The following SEC23A variants were observed in gnomAD, a reference collection of about 807,000 sequenced individuals.
SEC23A encodes the protein protein transport protein Sec23A.
In SEC23A, 56 loss-of-function variants were observed where a neutral mutation model predicts 103.7. The observed-to-expected ratio is 0.54, with a 90% CI of 0.44 to 0.67. The LOEUF is 0.67. Among genes scored for constraint, SEC23A ranks in the 30% least tolerant of loss-of-function variants. The pLI, the probability that SEC23A is intolerant of heterozygous loss-of-function variation, is 0.00. For synonymous variants in SEC23A, 281 were observed against 293.0 expected, an observed-to-expected ratio of 0.96 and a Z score of 0.42; for missense variants, 784 against 936.4, an observed-to-expected ratio of 0.84 and a Z score of 2.12.
At chr14:39,083,755 G>A (rs572773102) in intron 7 of SEC23A, among the ~76,000 whole-genome samples, 1 of 151,754 alleles carries the variant, frequency 6.6e-6, no homozygotes, top group African/African-American at 2.4e-5. Flanking sequence ...AGTAGAGACA[G>A]GGTTTCACCA....
chr14:39,045,390 CA>C, intron 15 of SEC23A, 66 bp from the exon 16 acceptor site: 2 of 1,201,020 alleles, frequency 1.7e-6, no homozygotes, highest in Non-Finnish European at 2.4e-6. Context: ...TTACTATTAG[CA>C]AAAATATTTG....
intron 7 of SEC23A, among the ~76,000 whole-genome samples, chr14:39,084,956 G>A (rs1388993590): frequency 1.3e-5 from 2 of 152,108 alleles, no homozygotes; most frequent in Admixed American, 1.3e-4. Context: ...CAGGCATGAG[G>A]TGCCCAGCCA....
intron 13 of SEC23A, among the ~76,000 whole-genome samples, chr14:39,059,753 T>G (rs184477823): frequency 6.6e-6 from 1 of 152,232 alleles, no homozygotes; most frequent in Admixed American, 6.5e-5. Flanking sequence ...AACAAAAAAT[T>G]TTCTTATATA....
intron 4 of SEC23A, 84 bp downstream of exon 4, chr14:39,092,457 G>C (rs1887695074): frequency 5.9e-6 from 5 of 847,472 alleles, no homozygotes; most frequent in Non-Finnish European, 9.6e-6. Context: ...AATTAAGCAT[G>C]ATTCCTTCTA....
intron 15 of SEC23A, among the ~76,000 whole-genome samples, chr14:39,047,706 A>T (rs1474316541): frequency 6.6e-6 from 1 of 152,106 alleles, no homozygotes; most frequent in Non-Finnish European, 1.5e-5. Flanking sequence ...AATTCTGTAT[A>T]TTTCTCACTT....
At chr14:39,047,191 G>A (rs1258287874) in intron 15 of SEC23A, among the ~76,000 whole-genome samples, 1 of 152,140 alleles carries the variant, frequency 6.6e-6, no homozygotes, top group Non-Finnish European at 1.5e-5. Flanking sequence ...TCCAGGAAAG[G>A]AAGAAAGATG....
chr14:39,077,572 GAT>G (rs1293960863), intron 7 of SEC23A, among the ~76,000 whole-genome samples: 1 of 151,174 alleles, frequency 6.6e-6, no homozygotes, highest in African/African-American at 2.4e-5. Flanking sequence ...GAGAGACAAA[GAT>G]AGAGAGAGAG....
rs1381673861 is a variant in SEC23A, at chr14:39,067,259, AG to A, written c.1140del (p.Leu381TyrfsTer26). 1 of 1,613,732 alleles carries A rather than the reference AG, an allele frequency of 6.2e-7. No individual in the cohort carries two copies. ...YMVMGDSFNT[S>X]LFKQTFQRVF... is the part of the protein sequence containing the mutation. ...ACTCTTTGAAAAGTTTGTTTGAATA[AG>A]GAAGTATTGAAAGAATCACCCATTA... On this transcript the variant is annotated frameshift_variant, in exon 10 of 20. Coordinates refer to ENST00000307712, the MANE Select transcript of SEC23A (RefSeq NM_006364.4). LOFTEE classifies it high-confidence loss of function.
rs972679671 is a variant in SEC23A at position 39,067,499 on chromosome 14, G to A, written c.1104-203C>T. ...AATAATCTCAATTCCGAAGGTAACA[G>A]AGTACCCCTAACAGTTGCATTTGTC... On this transcript the variant is annotated intron_variant, in intron 9 of 19. Coordinates refer to ENST00000307712, the MANE Select transcript of SEC23A (RefSeq NM_006364.4). 8.7e-5 allele frequency among the ~76,000 whole-genome samples: 13 copies of A among 149,950 alleles called. No individual in the cohort carries two copies. In the Admixed American group the frequency reaches 8.8e-4, roughly 10 times the overall value.
intron 1 of SEC23A, among the ~76,000 whole-genome samples, chr14:39,100,416 C>CTTT (rs11427769): frequency 1.3e-4 from 18 of 143,876 alleles, no homozygotes; most frequent in Non-Finnish European, 1.8e-4. Context: ...GCCAACTTAA[C>CTTT]TTTTTTTTTT....
At chr14:39,059,294 A>ACAAAC (rs1377135366) in intron 13 of SEC23A, among the ~76,000 whole-genome samples, 91 of 115,114 alleles carry the variant, frequency 7.9e-4, no homozygotes, top group Non-Finnish European at 1.3e-3. Context: ...AAAAAAAAAA[A>ACAAAC]AAAAAAAAAA....
At position 39,058,492 on chromosome 14, in the gene SEC23A, AGAG is replaced by A. The variant is rs1404846115; in HGVS notation, c.1506-3199_1506-3197del. Among the ~76,000 whole-genome samples the A allele has an allele frequency of 3.9e-5, 6 of 152,122 alleles. No individual in the cohort carries two copies. The South Asian group carries it at 8.3e-4, about 21-fold the overall frequency. On this transcript the variant is annotated intron_variant, in intron 13 of 19. Transcript: ENST00000307712. ...CCGGCTAATTTTTTGTATTTTTAGT[AGAG>A]ACGGGGTTTCACCTTGTTAGCCAGG...
intron 6 of SEC23A, 55 bp downstream of exon 6, chr14:39,086,874 G>T: frequency 2.0e-6 from 2 of 1,015,952 alleles, no homozygotes; most frequent in Non-Finnish European, 3.2e-6. Context: ...TCAAGGGTAT[G>T]GAATGTTTAA....
At chr14:39,102,675 T>A (rs954029537) in intron 1 of SEC23A, among the ~76,000 whole-genome samples, 1 of 151,888 alleles carries the variant, frequency 6.6e-6, no homozygotes, top group Non-Finnish European at 1.5e-5. Context: ...GGACACTCCA[T>A]ATCTGGCAAG....
In SEC23A at chr14:39,103,234, A is replaced by G. The variant is rs1888189413; in HGVS notation, c.-224T>C. 1 of 152,398 alleles carries G rather than the reference A, an allele frequency of 6.6e-6. No homozygotes were observed. Among genetic ancestry groups the G allele is most frequent in the Admixed American group, 6.5e-5 (1 of 15,286 alleles). 9.4% of individuals were successfully genotyped at this position (152,398 alleles called of 1,614,324 possible). A position where few individuals can be genotyped will look rare whatever the true frequency, so the allele number is the denominator to read the frequency against. Reference sequence around the variant, plus strand: ...CAACATGGCTGGCGCCGCCTCTGCCACGTCAAGAGGAGGGGACGGGGCGTG... The same window carrying G: ...CAACATGGCTGGCGCCGCCTCTGCCGCGTCAAGAGGAGGGGACGGGGCGTG... On this transcript the variant is annotated 5_prime_UTR_variant, in exon 1 of 20. Coordinates refer to ENST00000307712, the MANE Select transcript of SEC23A (RefSeq NM_006364.4).
At chr14:39,067,379 C>A in intron 9 of SEC23A, 83 bp from the exon 10 acceptor site, 1 of 1,431,662 alleles carries the variant, frequency 7.0e-7, no homozygotes, top group South Asian at 1.2e-5. Flanking sequence ...AATTACCTCT[C>A]AAAACTACCA....
rs961366433 is a variant in SEC23A, at chr14:39,037,059, T to G, written c.2208+1972A>C. On this transcript the variant is annotated intron_variant, in intron 19 of 19. Coordinates refer to ENST00000307712, the MANE Select transcript of SEC23A (RefSeq NM_006364.4). ...CATACTATTCTTTTCATTCTGCCTCTCTGATAATTCACTAAACACTCCTAC... is the reference window on the plus strand; with the variant it reads ...CATACTATTCTTTTCATTCTGCCTCGCTGATAATTCACTAAACACTCCTAC... Among the ~76,000 whole-genome samples, 3 of 152,140 alleles carry G rather than the reference T, an allele frequency of 2.0e-5. No individual in the cohort carries two copies. In the East Asian group the frequency reaches 5.8e-4, roughly 29 times the overall value.
chr14:39,053,992 G>A (rs57326310), intron 14 of SEC23A, among the ~76,000 whole-genome samples: 14,860 of 152,082 alleles, frequency 0.098, 945 homozygotes, highest in East Asian at 0.32. Flanking sequence ...AAATTAGCCA[G>A]GTATGGTGAT....
intron 14 of SEC23A, among the ~76,000 whole-genome samples, chr14:39,051,549 G>C (rs73285774): frequency 0.018 from 2,705 of 152,238 alleles, 95 homozygotes; most frequent in African/African-American, 0.062. Context: ...AAATAATGTG[G>C]CAATTTTTGA....
Sources: gnomAD v4.1 joint callset for allele counts (sites outside exome capture counted in the v4.1 genomes callset) on GRCh38, gnomAD v4.1.1 for gene constraint, MANE v1.5 for transcripts, NCBI Gene and HGNC (gene_info 2026-07-23, HGNC 2026-07-21) for gene names.